Variants in ANKRD31 observed in about 807,000 individuals in gnomAD.
ANKRD31 encodes the protein ankyrin repeat domain 31, also known as ankyrin repeat domain-containing protein 31.
ANKRD31 carries 147 observed loss-of-function variants against 186.0 expected under a neutral mutation model. The ratio of observed to expected loss-of-function variants is 0.79; its 90% CI spans 0.69 to 0.91. The LOEUF (loss-of-function observed/expected upper bound fraction) is 0.91, where lower values mean the gene tolerates loss of function less well. Ranked by LOEUF, ANKRD31 falls within the 40% of genes least tolerant of loss-of-function variation. The probability of loss-of-function intolerance (pLI) is 0.00; values close to 1 mark genes in which losing one functional copy is unlikely to be tolerated. For synonymous variants in ANKRD31, 673 were observed against 736.4 expected (o/e 0.91, Z 1.39); for missense variants, 1,986 against 2,148.8 (o/e 0.92, Z 1.50).
chr5:75,087,211 T>C (rs1326267245), intron 23 of ANKRD31, among the ~76,000 whole-genome samples: 3 of 152,146 alleles, frequency 2.0e-5, no homozygotes, highest in Admixed American at 6.6e-5. Context: ...TATTGACTAA[T>C]AGAAATCTGT....
chr5:75,089,960 A>G (rs1375293536), intron 23 of ANKRD31, among the ~76,000 whole-genome samples: 2 of 152,206 alleles, frequency 1.3e-5, no homozygotes, highest in East Asian at 3.8e-4. Context: ...TAATGGAGAA[A>G]CAGAGTGGGC....
intron 10 of ANKRD31, among the ~76,000 whole-genome samples, chr5:75,178,718 G>T (rs1179814566): frequency 1.3e-5 from 2 of 152,054 alleles, no homozygotes; most frequent in African/African-American, 4.8e-5. Context: ...CAGAATCTCT[G>T]GGACACATTC....
chr5:75,069,117 C>T (rs1744004960), intron 25 of ANKRD31, among the ~76,000 whole-genome samples: 1 of 152,146 alleles, frequency 6.6e-6, no homozygotes, highest in Non-Finnish European at 1.5e-5. Flanking sequence ...CTGCCACAAA[C>T]TTGGTGTGTG....
intron 3 of ANKRD31, among the ~76,000 whole-genome samples, chr5:75,215,833 AC>A (rs564654715): frequency 2.9e-4 from 44 of 152,104 alleles, no homozygotes; most frequent in African/African-American, 8.2e-4. Context: ...TAAAAAAAAA[AC>A]TCTGAGAAAG....
chr5:75,135,822 T>A (rs368750382), intron 17 of ANKRD31, among the ~76,000 whole-genome samples: 1 of 152,066 alleles, frequency 6.6e-6, no homozygotes, highest in African/African-American at 2.4e-5. Context: ...AACAGATACA[T>A]AGACCAATGG....
intron 22 of ANKRD31, among the ~76,000 whole-genome samples, chr5:75,103,804 A>G (rs1007018195): frequency 1.3e-5 from 2 of 152,158 alleles, no homozygotes; most frequent in African/African-American, 4.8e-5. Flanking sequence ...AACAATGAGA[A>G]CACGTGAACA....
chr5:75,123,283 A>G (rs769614379), intron 17 of ANKRD31, among the ~76,000 whole-genome samples: 1 of 152,084 alleles, frequency 6.6e-6, no homozygotes, highest in Non-Finnish European at 1.5e-5. Flanking sequence ...GATGAAAGAA[A>G]TTGCAGGGGA....
chr5:75,094,598 A>C (rs191122277), intron 22 of ANKRD31, among the ~76,000 whole-genome samples: 49 of 152,280 alleles, frequency 3.2e-4, no homozygotes, highest in African/African-American at 1.0e-3. Context: ...ATTGCAAAAG[A>C]AAGCAATAAA....
At chr5:75,093,466 G>A (rs1746090441) in intron 22 of ANKRD31, among the ~76,000 whole-genome samples, 1 of 151,652 alleles carries the variant, frequency 6.6e-6, no homozygotes, top group South Asian at 2.1e-4. Context: ...TGGGCAACAA[G>A]ACCAAAACTG....
At chr5:75,166,020 T>C (rs1248457819) in intron 11 of ANKRD31, among the ~76,000 whole-genome samples, 1 of 152,234 alleles carries the variant, frequency 6.6e-6, no homozygotes, top group African/African-American at 2.4e-5. Flanking sequence ...AACTTTTTCT[T>C]ATCTTTTAGA....
intron 22 of ANKRD31, among the ~76,000 whole-genome samples, chr5:75,101,038 G>A (rs1469686471): frequency 6.6e-6 from 1 of 152,144 alleles, no homozygotes; most frequent in East Asian, 1.9e-4. Context: ...TTACAGTTTG[G>A]CATGTTTTTT....
At chr5:75,226,325 T>C (rs927962175) in intron 2 of ANKRD31, among the ~76,000 whole-genome samples, 1 of 152,108 alleles carries the variant, frequency 6.6e-6, no homozygotes, top group African/African-American at 2.4e-5. Context: ...AGCCAGGTAA[T>C]GGCTACAGCA....
At chr5:75,159,295 G>C (rs971852938) in intron 11 of ANKRD31, among the ~76,000 whole-genome samples, 1 of 152,018 alleles carries the variant, frequency 6.6e-6, no homozygotes, top group Non-Finnish European at 1.5e-5. Context: ...AGACAGGAGA[G>C]AGAAAAAGCA....
At chr5:75,229,901 A>C (rs1483962711) in intron 2 of ANKRD31, among the ~76,000 whole-genome samples, 1 of 144,270 alleles carries the variant, frequency 6.9e-6, no homozygotes. Context: ...AAAAAACATC[A>C]ATTCCCAGCA....
At chr5:75,108,137 T>C (rs1324838935) in intron 20 of ANKRD31, among the ~76,000 whole-genome samples, 1 of 151,888 alleles carries the variant, frequency 6.6e-6, no homozygotes, top group East Asian at 1.9e-4. Context: ...GTTTGTAAAA[T>C]TTGTGTTATA....
Position 75,137,596 on chromosome 5 carries a change from T to G in ANKRD31, c.3876+260A>C, listed in dbSNP as rs949561869. ...ACAATTAAAAATATAATGTATTAGA[T>G]TTATGGGTTGTGTTTACTTTTACTC... is the stretch of plus-strand genomic sequence containing the variant. On this transcript the variant is annotated intron_variant, in intron 17 of 25. Coordinates refer to ENST00000506364, the MANE Select transcript of ANKRD31 (RefSeq NM_001372053.1). Among the ~76,000 whole-genome samples, 3 of 152,288 alleles carry G rather than the reference T, an allele frequency of 2.0e-5. No homozygotes were observed. The South Asian group carries it at 6.2e-4, about 32-fold the overall frequency.
intron 8 of ANKRD31, 28 bp from the exon 9 acceptor site, chr5:75,192,804 G>T: frequency 6.9e-7 from 1 of 1,451,822 alleles, no homozygotes; most frequent in Non-Finnish European, 9.2e-7. Context: ...TTTTTAAATG[G>T]CTATAACGGT....
At chr5:75,175,720 G>T (rs1037887000) in intron 10 of ANKRD31, among the ~76,000 whole-genome samples, 3 of 151,926 alleles carry the variant, frequency 2.0e-5, no homozygotes, top group African/African-American at 7.3e-5. Context: ...TCATGCTGGG[G>T]TGTTTAGTGA....
At chr5:75,112,421 C>T in intron 20 of ANKRD31, 92 bp downstream of exon 20, 2 of 788,578 alleles carry the variant, frequency 2.5e-6, no homozygotes, top group Non-Finnish European at 1.9e-6. Context: ...ACCACTTTTT[C>T]AGCCTTTGTG....
Sources: allele counts gnomAD v4.1 joint callset (sites outside exome capture counted in the v4.1 genomes callset), GRCh38; gene constraint gnomAD v4.1.1; transcripts MANE v1.5; gene names NCBI Gene and HGNC (gene_info 2026-07-23, HGNC 2026-07-21).